INAVA: variants seen among roughly 807,000 people sequenced by gnomAD.
The protein encoded by INAVA is innate immunity activator, also known as innate immunity activator protein.
A neutral mutation model predicts 55.3 loss-of-function variants in INAVA; 32 were observed. The ratio of observed to expected loss-of-function variants is 0.58; its 90% CI spans 0.44 to 0.78. The LOEUF is 0.78. Among genes scored for constraint, INAVA ranks in the 30% least tolerant of loss-of-function variants. INAVA has a pLI of 0.00. For synonymous variants in INAVA, 294 were observed against 329.4 expected, an observed-to-expected ratio of 0.89 and a Z score of 1.16; for missense variants, 756 against 786.4, an observed-to-expected ratio of 0.96 and a Z score of 0.46.
chr1:200,912,991 A>G (rs2102318980), intron 9 of INAVA, among the ~76,000 whole-genome samples: 1 of 152,144 alleles, frequency 6.6e-6, no homozygotes, highest in Middle Eastern at 3.4e-3. Context: ...TCCTTTCTTT[A>G]TTCTTTCTCC....
chr1:200,901,837 C>G (rs1486402040), intron 5 of INAVA, among the ~76,000 whole-genome samples: 1 of 152,162 alleles, frequency 6.6e-6, no homozygotes, highest in Non-Finnish European at 1.5e-5. Context: ...GACTAGTGGC[C>G]GTGGGGGCAC....
At chr1:200,902,276 G>A (rs1330066640) in intron 5 of INAVA, among the ~76,000 whole-genome samples, 3 of 152,232 alleles carry the variant, frequency 2.0e-5, no homozygotes, top group Non-Finnish European at 4.4e-5. Flanking sequence ...CCTGTGCCCT[G>A]CAGCCTATGC....
At chr1:200,891,679 G>A (rs1449693495), upstream of INAVA, 2 of 1,485,430 alleles carry the variant, frequency 1.3e-6, no homozygotes, top group African/African-American at 2.9e-5. Flanking sequence ...GCAGGCGGGC[G>A]GCGCCAGAGC....
At chr1:200,891,536 T>C (rs2102295511), upstream of INAVA, 1 of 1,604,646 alleles carries the variant, frequency 6.2e-7, no homozygotes, top group East Asian at 2.3e-5. Context: ...TCTTTAACAT[T>C]TGGGATGCTG....
At position 200,909,337 on chromosome 1, in the gene INAVA, G is replaced by T. The variant is rs780644069; in HGVS notation, c.899G>T (p.Arg300Leu). 9 of 1,610,356 alleles carry T rather than the reference G, an allele frequency of 5.6e-6. No individual in the cohort carries two copies. Among genetic ancestry groups the T allele is most frequent in the Admixed American group, 5.0e-5 (3 of 59,932 alleles). Residue 300 changes from arginine (R) to leucine (L), a missense_variant, in exon 8 of 10, where the codon CGC becomes CTC. By Grantham distance (102) the Arg-to-Leu change is moderately radical. Transcript: ENST00000413687. ...GGTGTTCCTGGCCAGTGGCAGGGCC[G>T]CACCAGTGCCCCAGCCACCCCTGAG... is the stretch of plus-strand genomic sequence containing the variant. ...IRGVPGQWQGRTSAPATPEIQ... is the reference protein window; with the variant it reads ...IRGVPGQWQGLTSAPATPEIQ...
chr1:200,913,460 G>A, intron 9 of INAVA, 77 bp from the exon 10 acceptor site: 1 of 1,080,816 alleles, frequency 9.3e-7, no homozygotes, highest in Non-Finnish European at 1.4e-6. Flanking sequence ...GGATAAGGAT[G>A]GTGTAACTGT....
chr1:200,909,421 G>C (rs766738860), intron 8 of INAVA, 24 bp downstream of exon 8: 5 of 1,543,158 alleles, frequency 3.2e-6, no homozygotes, highest in Non-Finnish European at 3.5e-6. Flanking sequence ...TCCCCAGAGA[G>C]ATGGGGGACC....
rs1425356418 is a variant in INAVA, at chr1:200,914,062, A to G, written c.*433A>G. The G allele has an allele frequency of 3.5e-5, 6 of 172,722 alleles. No homozygotes were observed. The highest frequency in any genetic ancestry group is 7.5e-5 in the Non-Finnish European group (6 of 79,778). The allele number at this position is 172,722 out of a possible 1,614,324, so 10.7% of individuals were successfully genotyped here. On this transcript the variant is annotated 3_prime_UTR_variant, in exon 10 of 10. Coordinates refer to ENST00000413687, the MANE Select transcript of INAVA (RefSeq NM_001142569.3). ...ACTATTGCTGGAGGCTGGACATGGTACATACTCATGCACATGACTCTCCCC... is the reference window on the plus strand; with the variant it reads ...ACTATTGCTGGAGGCTGGACATGGTGCATACTCATGCACATGACTCTCCCC...
chr1:200,910,174 A>T (rs4915463), intron 8 of INAVA, among the ~76,000 whole-genome samples: 1 of 151,966 alleles, frequency 6.6e-6, no homozygotes, highest in African/African-American at 2.4e-5. Context: ...GACACTGTGC[A>T]CTTACAGCAT....
At chr1:200,896,833 G>A (rs1435426664) in intron 1 of INAVA, among the ~76,000 whole-genome samples, 2 of 152,262 alleles carry the variant, frequency 1.3e-5, no homozygotes, top group Admixed American at 6.5e-5. Flanking sequence ...GCTGCCTGAG[G>A]AGGGGTGGAG....
At chr1:200,896,545 TA>T (rs905526869) in intron 1 of INAVA, among the ~76,000 whole-genome samples, 1 of 152,038 alleles carries the variant, frequency 6.6e-6, no homozygotes, top group African/African-American at 2.4e-5. Context: ...CCCATAAAGT[TA>T]AAAAAAATAA....
Position 200,901,104 on chromosome 1 carries a change from C to G in INAVA, c.465C>G (p.Val155=). 1 of 1,534,792 alleles carries G rather than the reference C, an allele frequency of 6.5e-7. No individual in the cohort carries two copies. Among genetic ancestry groups the G allele is most frequent in the Non-Finnish European group, 8.7e-7 (1 of 1,145,184 alleles). Residue 155 remains valine, a synonymous_variant, in exon 5 of 10, where the codon GTC becomes GTG. Coordinates refer to ENST00000413687, the MANE Select transcript of INAVA (RefSeq NM_001142569.3). Reference sequence around the variant, plus strand: ...TGCAGGAGCTCCAGCGCTGCCTGGTCGAGCGGCGGCGCAATAGCGAGCCAC... The same window carrying G: ...TGCAGGAGCTCCAGCGCTGCCTGGTGGAGCGGCGGCGCAATAGCGAGCCAC... ...KKLQELQRCL[V]ERRRNSEPPP...
chr1:200,894,462 A>C (rs1331588125), upstream of INAVA, among the ~76,000 whole-genome samples: 2 of 152,154 alleles, frequency 1.3e-5, no homozygotes, highest in African/African-American at 4.8e-5. Context: ...CTTGGTCTTC[A>C]TTTCCATATG....
upstream of INAVA, chr1:200,894,704 C>T (rs966790855): frequency 6.1e-5 from 47 of 771,866 alleles, no homozygotes; most frequent in Non-Finnish European, 7.4e-5. Flanking sequence ...GAAGACATGA[C>T]TCTTGTTGTT....
intron 1 of INAVA, 65 bp downstream of exon 1, chr1:200,895,152 G>A (rs1668316333): frequency 1.0e-6 from 1 of 984,248 alleles, no homozygotes; most frequent in Middle Eastern, 5.2e-4. Flanking sequence ...GAGTGGAGGA[G>A]CCCAAGCAGT....
chr1:200,894,494 C>A (rs1427426345), upstream of INAVA, among the ~76,000 whole-genome samples: 2 of 152,184 alleles, frequency 1.3e-5, no homozygotes, highest in Non-Finnish European at 2.9e-5. Context: ...AGTGACCCAT[C>A]CCTGTCAGTT....
chr1:200,910,684 C>T (rs945186675), intron 8 of INAVA, among the ~76,000 whole-genome samples: 5 of 152,230 alleles, frequency 3.3e-5, no homozygotes, highest in Non-Finnish European at 5.9e-5. Flanking sequence ...CAGGTTCAAG[C>T]GATTCTCCTG....
In INAVA at chr1:200,899,505, C is replaced by T. The variant is rs1055628451; in HGVS notation, c.88C>T (p.Leu30=). The T allele has an allele frequency of 3.7e-6, 6 of 1,613,956 alleles. No individual in the cohort carries two copies. In the African/African-American group the frequency reaches 5.3e-5, roughly 14 times the overall value. Residue 30 remains leucine (L), a synonymous_variant, in exon 3 of 10, where the codon CTG becomes TTG. Coordinates refer to ENST00000413687, the MANE Select transcript of INAVA (RefSeq NM_001142569.3). ...CAGCCCGGTCTCCCCAATGAAGGAG[C>T]TGACCCATGCAGTGCACAAGCAGCA... is the stretch of plus-strand genomic sequence containing the variant. ...PDSPVSPMKE[L]THAVHKQQRA...
chr1:200,909,253 C>A lies in INAVA; in HGVS notation c.815C>A (p.Pro272His). The change falls in exon 8 of 10, where the codon CCC becomes CAC. Residue 272 changes from proline to histidine, a missense_variant. By Grantham distance (77) the Pro-to-His change is moderately conservative. This residue lies in a region of INAVA where 639 missense variants were observed against 624.3 expected (regional missense o/e 1.02). Coordinates refer to ENST00000413687, the MANE Select transcript of INAVA (RefSeq NM_001142569.3). ...CCAGCCACCACACCACAGGATGGGC[C>A]CAGTGCCTCCAGCCTGTGGCTTCTG... ...SSPATTPQDGPSASSLWLLEP... is the reference protein window; with the variant it reads ...SSPATTPQDGHSASSLWLLEP... 1 of 1,597,612 alleles carries A rather than the reference C, an allele frequency of 6.3e-7. No homozygotes were observed. The highest frequency in any genetic ancestry group is 8.5e-7 in the Non-Finnish European group (1 of 1,170,112).
Sources: gnomAD v4.1 joint callset for allele counts (sites outside exome capture counted in the v4.1 genomes callset) on GRCh38, gnomAD v4.1.1 for gene constraint, gnomAD v4.1.1 regional missense constraint, MANE v1.5 for transcripts, NCBI Gene and HGNC (gene_info 2026-07-23, HGNC 2026-07-21) for gene names.